The following IFIT1 variants were observed in gnomAD, a reference collection of about 807,000 sequenced individuals.
The protein encoded by IFIT1 is interferon induced protein with tetratricopeptide repeats 1, also known as antiviral innate immune response effector IFIT1.
IFIT1 carries 1 observed loss-of-function variant against 2.5 expected under a neutral mutation model. The ratio of observed to expected loss-of-function variants is 0.40; its 90% CI spans 0.14 to 1.92. The LOEUF is 1.92. IFIT1 is among the 40% of genes most tolerant of loss of function. The pLI, the probability that IFIT1 is intolerant of heterozygous loss-of-function variation, is 0.31. For synonymous variants in IFIT1, 191 were observed against 201.7 expected, an observed-to-expected ratio of 0.95 and a Z score of 0.45; for missense variants, 508 against 557.8, an observed-to-expected ratio of 0.91 and a Z score of 0.90.
At position 89,405,373 on chromosome 10, in the gene IFIT1, A is replaced by AT. The variant is rs1328221400; in HGVS notation, c.*1661_*1662insT. 2.0e-5 allele frequency: 3 copies of AT among 152,254 alleles called. No individual in the cohort carries two copies. Among genetic ancestry groups the AT allele is most frequent in the Non-Finnish European group, 4.4e-5 (3 of 68,040 alleles). 9.4% of individuals were successfully genotyped at this position (152,254 alleles called of 1,614,324 possible). A position where few individuals can be genotyped will look rare whatever the true frequency, so the allele number is the denominator to read the frequency against. ...ATTTTATTGAAAGGCAAGGCACAAC[A>AT]AATAATAAGAAGGAAAAAATAAATA... On this transcript the variant is annotated 3_prime_UTR_variant, in exon 2 of 2. Transcript: ENST00000371804.
rs375237431 is a variant in IFIT1 at position 89,392,709 on chromosome 10, A to G, written c.-4A>G. 6 of 1,614,044 alleles carry G rather than the reference A, an allele frequency of 3.7e-6. No homozygotes were observed. In the African/African-American group the frequency reaches 4.0e-5, roughly 11 times the overall value. On this transcript the variant is annotated 5_prime_UTR_variant, in exon 1 of 2. Coordinates refer to ENST00000371804, the MANE Select transcript of IFIT1 (RefSeq NM_001548.5). ...GCAGAACGGCTGCCTAATTTACAGC[A>G]ACCATGAGGTAAGGATTTCTTTGCT...
At chr10:89,399,864 A>ACT (rs200034872) in intron 1 of IFIT1, among the ~76,000 whole-genome samples, 15 of 151,308 alleles carry the variant, frequency 9.9e-5, no homozygotes, top group Non-Finnish European at 1.9e-4. Context: ...ACCAAAGCTC[A>ACT]CTCTCTCTCT....
At chr10:89,399,827 AATC>A in intron 1 of IFIT1, among the ~76,000 whole-genome samples, 1 of 152,190 alleles carries the variant, frequency 6.6e-6, no homozygotes, top group East Asian at 1.9e-4. Flanking sequence ...GTGAGGCCTT[AATC>A]CAACAGAGCT....
In IFIT1 at chr10:89,402,626, C is replaced by G; in HGVS notation, c.351C>G (p.Tyr117Ter). The change falls in exon 2 of 2, where the codon TAC becomes TAG. Residue 117 changes from tyrosine to a stop codon, truncating the protein, a stop_gained. Transcript: ENST00000371804. LOFTEE classifies it low-confidence loss of function (END_TRUNC). Reference sequence around the variant, plus strand: ...GCAGACTGGCAGAAGCCCAGACTTACCTGGACAAGGTGGAGAACATTTGCA... The same window carrying G: ...GCAGACTGGCAGAAGCCCAGACTTAGCTGGACAAGGTGGAGAACATTTGCA... Reference protein sequence around the residue: ...HMGRLAEAQTYLDKVENICKK... With the variant: ...HMGRLAEAQT 6.2e-7 allele frequency: 1 copy of G among 1,614,210 alleles called. No homozygotes were observed. Among genetic ancestry groups the G allele is most frequent in the Admixed American group, 1.7e-5 (1 of 60,028 alleles).
rs745938788 is a variant in IFIT1 at position 89,403,208 on chromosome 10, A to T, written c.933A>T (p.Arg311Ser). Residue 311 changes from arginine (R) to serine (S), a missense_variant, in exon 2 of 2, where the codon AGA becomes AGT. Arg to Ser is a moderately radical substitution (Grantham distance 110). Transcript: ENST00000371804. ...QIKEATKGQP[R>S]GQNREKLDKM... Reference sequence around the variant, plus strand: ...AGGAGGCTACAAAAGGGCAGCCTAGAGGGCAGAACAGAGAAAAGCTAGACA... The same window carrying T: ...AGGAGGCTACAAAAGGGCAGCCTAGTGGGCAGAACAGAGAAAAGCTAGACA... 11 of 1,614,238 alleles carry T rather than the reference A, an allele frequency of 6.8e-6. No homozygotes were observed. The East Asian group carries it at 2.2e-4, about 33-fold the overall frequency.
rs1175981130 is a variant in IFIT1, at chr10:89,405,389, AAAAT to A, written c.*1684_*1687del. 1.3e-5 allele frequency: 2 copies of A among 152,250 alleles called. No homozygotes were observed. Among genetic ancestry groups the A allele is most frequent in the African/African-American group, 2.4e-5 (1 of 41,470 alleles). 9.4% of individuals were successfully genotyped at this position (152,250 alleles called of 1,614,324 possible). A position where few individuals can be genotyped will look rare whatever the true frequency, so the allele number is the denominator to read the frequency against. On this transcript the variant is annotated 3_prime_UTR_variant, in exon 2 of 2. Coordinates refer to ENST00000371804, the MANE Select transcript of IFIT1 (RefSeq NM_001548.5). ...AGGCACAACAAATAATAAGAAGGAAAAAATAAATAAGCAATGTTATTGATCTTTC... is the reference window on the plus strand; with the variant it reads ...AGGCACAACAAATAATAAGAAGGAAAAAATAAGCAATGTTATTGATCTTTC...
At chr10:89,402,188 A>G (rs1844435685) in intron 1 of IFIT1, 93 bp from the exon 2 acceptor site, 2 of 771,098 alleles carry the variant, frequency 2.6e-6, no homozygotes, top group East Asian at 2.5e-5. Flanking sequence ...TGATCCTTTC[A>G]AGGATAAGCA....
chr10:89,401,291 T>G (rs1844419235), intron 1 of IFIT1, among the ~76,000 whole-genome samples: 1 of 152,068 alleles, frequency 6.6e-6, no homozygotes, highest in Non-Finnish European at 1.5e-5. Flanking sequence ...TAATTTTTTT[T>G]TTGTATTTTT....
chr10:89,398,686 A>G (rs1844379500), intron 1 of IFIT1, among the ~76,000 whole-genome samples: 1 of 152,212 alleles, frequency 6.6e-6, no homozygotes, highest in Non-Finnish European at 1.5e-5. Flanking sequence ...AAGTTTATCC[A>G]TGTTGTAACA....
chr10:89,401,410 C>T (rs1490709223), intron 1 of IFIT1, among the ~76,000 whole-genome samples: 2 of 151,960 alleles, frequency 1.3e-5, no homozygotes, highest in African/African-American at 4.8e-5. Flanking sequence ...TGTGAGCCAC[C>T]GCACCCAGCC....
Position 89,399,364 on chromosome 10 carries a change from T to C in IFIT1, c.6-2917T>C, listed in dbSNP as rs1184959075. On this transcript the variant is annotated intron_variant, in intron 1 of 1. Coordinates refer to ENST00000371804, the MANE Select transcript of IFIT1 (RefSeq NM_001548.5). ...GATAGTATCCTTCCATGCATAAAAGTTTTTAATTTTGGTGGAGTCCAGCTT... is the reference window on the plus strand; with the variant it reads ...GATAGTATCCTTCCATGCATAAAAGCTTTTAATTTTGGTGGAGTCCAGCTT... Among the ~76,000 whole-genome samples, 3 of 152,336 alleles carry C rather than the reference T, an allele frequency of 2.0e-5. 1 individual carries two copies. The highest frequency in any genetic ancestry group is 7.2e-5 in the African/African-American group (3 of 41,578).
intron 1 of IFIT1, among the ~76,000 whole-genome samples, chr10:89,401,160 A>T (rs1215749616): frequency 6.7e-6 from 1 of 149,310 alleles, no homozygotes; most frequent in Non-Finnish European, 1.5e-5. Flanking sequence ...TCTGTTACCT[A>T]GGCCAGAGTG....
chr10:89,394,447 T>C (rs1340280730), intron 1 of IFIT1, among the ~76,000 whole-genome samples: 1 of 151,944 alleles, frequency 6.6e-6, no homozygotes, highest in African/African-American at 2.4e-5. Flanking sequence ...TCAATGATAT[T>C]TCATTAAACC....
In IFIT1 at chr10:89,392,665, C is replaced by G; in HGVS notation, c.-48C>G. ...ACAGAATAGCCAGATCTCAGAGGAG[C>G]CTGGCTAAGCAAAACCCTGCAGAAC... On this transcript the variant is annotated 5_prime_UTR_variant, in exon 1 of 2. Transcript: ENST00000371804. 6.2e-7 allele frequency: 1 copy of G among 1,608,068 alleles called. No homozygotes were observed. The highest frequency in any genetic ancestry group is 8.5e-7 in the Non-Finnish European group (1 of 1,174,556).
chr10:89,398,734 T>A (rs888922256), intron 1 of IFIT1, among the ~76,000 whole-genome samples: 1 of 152,236 alleles, frequency 6.6e-6, no homozygotes, highest in African/African-American at 2.4e-5. Flanking sequence ...GGCTGAATAT[T>A]CCATTGTATG....
intron 1 of IFIT1, among the ~76,000 whole-genome samples, chr10:89,399,764 G>A (rs1454833102): frequency 6.8e-6 from 1 of 148,036 alleles, no homozygotes; most frequent in Non-Finnish European, 1.5e-5. Context: ...TTGAACTGTT[G>A]TTTGGAGATA....
rs1327948675 is a variant in IFIT1 at position 89,403,188 on chromosome 10, G to T, written c.913G>T (p.Ala305Ser). 6.2e-7 allele frequency: 1 copy of T among 1,614,092 alleles called. No homozygotes were observed. The highest frequency in any genetic ancestry group is 8.5e-7 in the Non-Finnish European group (1 of 1,179,966). Residue 305 changes from alanine to serine, a missense_variant, in exon 2 of 2, where the codon GCT becomes TCT. Transcript: ENST00000371804. ...YKAQMIQIKE[A>S]TKGQPRGQNR... is the part of the protein sequence containing the mutation. ...GGCACAAATGATCCAAATCAAGGAG[G>T]CTACAAAAGGGCAGCCTAGAGGGCA...
At chr10:89,401,133 T>C (rs986847030) in intron 1 of IFIT1, among the ~76,000 whole-genome samples, 5 of 152,168 alleles carry the variant, frequency 3.3e-5, no homozygotes, top group Non-Finnish European at 7.4e-5. Flanking sequence ...TTTTTTTTTT[T>C]TGAGACTGAG....
chr10:89,402,375 G>T lies in IFIT1; in HGVS notation c.100G>T (p.Asp34Tyr), dbSNP rs1844440258. 3 of 1,614,148 alleles carry T rather than the reference G, an allele frequency of 1.9e-6. No homozygotes were observed. In the African/African-American group the frequency reaches 4.0e-5, roughly 22 times the overall value. The change falls in exon 2 of 2, where the codon GAT becomes TAT. Residue 34 changes from aspartate (D) to tyrosine (Y), a missense_variant. Physicochemically the swap from Asp to Tyr is radical, Grantham distance 160 (BLOSUM62 -3). Transcript: ENST00000371804. ...ATCCATTGATGACGATGAAATGCCT[G>T]ATTTAGAAAACAGAGTCTTGGATCA... ...ELSIDDDEMP[D>Y]LENRVLDQIE... is the part of the protein sequence containing the mutation.
Sources: gnomAD v4.1 joint callset for allele counts (sites outside exome capture counted in the v4.1 genomes callset) on GRCh38, gnomAD v4.1.1 for gene constraint, MANE v1.5 for transcripts, NCBI Gene and HGNC (gene_info 2026-07-23, HGNC 2026-07-21) for gene names.